The following VAV1 variants were observed in gnomAD, a reference collection of about 807,000 sequenced individuals.
VAV1 encodes proto-oncogene vav.
Under a neutral mutation model 128.1 loss-of-function variants are expected in VAV1, and 33 were observed. That is an observed-to-expected ratio of 0.26 (90% CI 0.20 to 0.34). VAV1 has a LOEUF of 0.34. VAV1 is among the 10% of genes least tolerant of loss of function. The probability of loss-of-function intolerance (pLI) is 1.00; values close to 1 mark genes in which losing one functional copy is unlikely to be tolerated. For synonymous variants in VAV1, 394 were observed against 409.8 expected (o/e 0.96, Z 0.47); for missense variants, 715 against 1,093.7 (o/e 0.65, Z 4.88).
At chr19:6,829,560 A>G (rs1225574724) in intron 13 of VAV1, among the ~76,000 whole-genome samples, 2 of 152,098 alleles carry the variant, frequency 1.3e-5, no homozygotes, top group Non-Finnish European at 2.9e-5. Flanking sequence ...GCCTTGATGG[A>G]CAGGCAGGAC....
At chr19:6,799,991 C>A (rs566019939) in intron 1 of VAV1, among the ~76,000 whole-genome samples, 35 of 151,732 alleles carry the variant, frequency 2.3e-4, no homozygotes, top group Non-Finnish European at 4.6e-4. Flanking sequence ...TAGGTGCATG[C>A]TTAATGTTTT....
Position 6,836,514 on chromosome 19 carries a change from C to T in VAV1, c.1860C>T (p.Asn620=). The change falls in exon 20 of 27, where the codon AAC becomes AAT. Residue 620 remains asparagine, a synonymous_variant. Coordinates refer to ENST00000602142, the MANE Select transcript of VAV1 (RefSeq NM_005428.4). The part of the protein sequence containing the change: ...PGAIGPFLRL[N]PGDIVELTKA... ...CCATTGGACCCTTTCTACGGCTCAA[C>T]CCTGGAGACATTGTGGAGCTCACGA... 6.2e-7 allele frequency: 1 copy of T among 1,614,044 alleles called. No individual in the cohort carries two copies. Among genetic ancestry groups the T allele is most frequent in the Non-Finnish European group, 8.5e-7 (1 of 1,180,026 alleles).
rs1160296531 is a variant in VAV1 at position 6,829,901 on chromosome 19, G to C, written c.1381G>C (p.Asp461His). The change falls in exon 14 of 27, where the codon GAC becomes CAC. Residue 461 changes from aspartate to histidine, a missense_variant. This residue lies in a region of VAV1 where 407 missense variants were observed against 580.6 expected (regional missense o/e 0.70). Coordinates refer to ENST00000602142, the MANE Select transcript of VAV1 (RefSeq NM_005428.4). The part of the protein sequence containing the change: ...SFQVRDDSSG[D>H]RDNKKWSHMF... ...CCAGGTTCGGGATGACTCTTCAGGA[G>C]ACCGAGACAACAAGAAGGTGGGGCT... The C allele has an allele frequency of 1.2e-6, 2 of 1,614,196 alleles. No individual in the cohort carries two copies. The highest frequency in any genetic ancestry group is 2.2e-5 in the South Asian group (2 of 91,084).
chr19:6,805,490 C>T (rs1346097367), intron 1 of VAV1, among the ~76,000 whole-genome samples: 1 of 151,232 alleles, frequency 6.6e-6, no homozygotes, highest in Non-Finnish European at 1.5e-5. Flanking sequence ...ATCTGTAATC[C>T]CAGGACCTTA....
At chr19:6,796,109 C>T (rs960321017) in intron 1 of VAV1, among the ~76,000 whole-genome samples, 3 of 152,168 alleles carry the variant, frequency 2.0e-5, no homozygotes, top group Non-Finnish European at 2.9e-5. Flanking sequence ...ATCTAATCAC[C>T]TCTTAAAGGT....
chr19:6,819,744 G>A (rs986060980), intron 1 of VAV1, among the ~76,000 whole-genome samples: 1 of 152,200 alleles, frequency 6.6e-6, no homozygotes, highest in Non-Finnish European at 1.5e-5. Flanking sequence ...CCTACAAGCT[G>A]TGGGAAGCTG....
At chr19:6,817,250 AATGGGGTTTC>A (rs1201647257) in intron 1 of VAV1, among the ~76,000 whole-genome samples, 1 of 151,706 alleles carries the variant, frequency 6.6e-6, no homozygotes, top group South Asian at 2.1e-4. Flanking sequence ...TTTTAGTAGA[AATGGGGTTTC>A]ACCATGTTGC....
At chr19:6,846,679 G>C (rs1223731997) in intron 22 of VAV1, among the ~76,000 whole-genome samples, 1 of 147,398 alleles carries the variant, frequency 6.8e-6, no homozygotes, top group Non-Finnish European at 1.5e-5. Context: ...CATTTACATA[G>C]ACTATATATG....
chr19:6,820,944 A>G lies in VAV1; in HGVS notation c.321+126A>G, dbSNP rs916316895. On this transcript the variant is annotated intron_variant, in intron 2 of 26. Coordinates refer to ENST00000602142, the MANE Select transcript of VAV1 (RefSeq NM_005428.4). The surrounding 1 kb of genome is among the most constrained non-coding windows in gnomAD (Gnocchi z 4.4). Reference sequence around the variant, plus strand: ...CAGACCAGGCCATATACAAGACGCAAATAGCACTGGCTTGGGATATGTGGA... The same window carrying G: ...CAGACCAGGCCATATACAAGACGCAGATAGCACTGGCTTGGGATATGTGGA... 7.3e-6 allele frequency: 6 copies of G among 818,160 alleles called. No individual in the cohort carries two copies. Among genetic ancestry groups the G allele is most frequent in the Admixed American group, 1.9e-5 (1 of 51,358 alleles). The allele number at this position is 818,160 out of a possible 1,614,324, so 50.7% of individuals were successfully genotyped here.
rs1156670926 is a variant in VAV1, at chr19:6,828,858, A to T, written c.1223A>T (p.Glu408Val). The T allele has an allele frequency of 5.6e-6, 9 of 1,613,920 alleles. No individual in the cohort carries two copies. Among genetic ancestry groups the T allele is most frequent in the South Asian group, 4.4e-5 (4 of 91,066 alleles). The change falls in exon 13 of 27, where the codon GAA becomes GTA. Residue 408 changes from glutamate (E) to valine (V), a missense_variant. Physicochemically the swap from Glu to Val is moderately radical, Grantham distance 121. Transcript: ENST00000602142. The surrounding 1 kb of genome is among the most constrained non-coding windows in gnomAD (Gnocchi z 4.5). ...AHYGRPKIDG[E>V]LKITSVERRS... Reference sequence around the variant, plus strand: ...TATGGCCGGCCCAAGATCGACGGGGAACTCAAGATCACCTCGGTGGAACGG... The same window carrying T: ...TATGGCCGGCCCAAGATCGACGGGGTACTCAAGATCACCTCGGTGGAACGG...
chr19:6,828,049 T>C lies in VAV1; in HGVS notation c.928-27T>C, dbSNP rs773904821. 6.2e-7 allele frequency: 1 copy of C among 1,609,616 alleles called. No individual in the cohort carries two copies. The highest frequency in any genetic ancestry group is 8.5e-7 in the Non-Finnish European group (1 of 1,176,014). The stretch of plus-strand genomic sequence containing the variant: ...TGGCTGTTTCTGGGACCTGCCTCAG[T>C]TTCCCCATTGTTCTCTGATTCCCCA... On this transcript the variant is annotated intron_variant, in intron 9 of 26. Transcript: ENST00000602142. The surrounding 1 kb of genome is among the most constrained non-coding windows in gnomAD (Gnocchi z 4.5).
rs549039418 is a variant in VAV1 at position 6,784,530 on chromosome 19, C to G, written c.204+11519C>G. The stretch of plus-strand genomic sequence containing the variant: ...TTTTTTTGAGACAGAGTTTCACTCT[C>G]TCTCCCAGGCTGGAGTGCAGTGGCA... On this transcript the variant is annotated intron_variant, in intron 1 of 26. Transcript: ENST00000602142. 3.9e-3 allele frequency among the ~76,000 whole-genome samples: 572 copies of G among 146,944 alleles called. 7 individuals are homozygous for G. Among genetic ancestry groups the G allele is most frequent in the Admixed American group, 0.021 (304 of 14,506 alleles).
intron 1 of VAV1, among the ~76,000 whole-genome samples, chr19:6,810,213 T>C (rs1458480936): frequency 6.6e-6 from 1 of 151,836 alleles, no homozygotes; most frequent in East Asian, 1.9e-4. Context: ...TGGTGGTGCA[T>C]GCCCATAGTC....
At chr19:6,776,906 C>T (rs113957519) in intron 1 of VAV1, among the ~76,000 whole-genome samples, 1,918 of 152,108 alleles carry the variant, frequency 0.013, 54 homozygotes, top group South Asian at 0.052. Flanking sequence ...TACAGGCACC[C>T]GCCACCACGC....
At chr19:6,839,221 GA>G (rs1972307997) in intron 21 of VAV1, among the ~76,000 whole-genome samples, 5 of 146,746 alleles carry the variant, frequency 3.4e-5, no homozygotes, top group South Asian at 4.3e-4. Context: ...TTTTGTGTGT[GA>G]TTTTTTTTTT....
At position 6,820,306 on chromosome 19, in the gene VAV1, G is replaced by T. The variant is rs1167363181; in HGVS notation, c.205-396G>T. ...GCTGGAGTGCAGTGGTGCCATCATA[G>T]CTCACCGCAGGCTCGAACTCCTGGG... On this transcript the variant is annotated intron_variant, in intron 1 of 26. Transcript: ENST00000602142. The surrounding 1 kb of genome is among the most constrained non-coding windows in gnomAD (Gnocchi z 4.4). 6.6e-6 allele frequency among the ~76,000 whole-genome samples: 1 copy of T among 152,164 alleles called. No homozygotes were observed. The highest frequency in any genetic ancestry group is 1.5e-5 in the Non-Finnish European group (1 of 68,030).
At chr19:6,793,253 G>A (rs1003566786) in intron 1 of VAV1, among the ~76,000 whole-genome samples, 9 of 151,966 alleles carry the variant, frequency 5.9e-5, no homozygotes, top group East Asian at 1.9e-4. Context: ...AGAATGGTGC[G>A]AACCTGGGAG....
At chr19:6,814,828 T>A (rs1971611058) in intron 1 of VAV1, among the ~76,000 whole-genome samples, 1 of 151,616 alleles carries the variant, frequency 6.6e-6, no homozygotes, top group East Asian at 1.9e-4. Flanking sequence ...GTAGTTCTGA[T>A]TTCAAAGGGA....
At chr19:6,788,682 T>C (rs1034089461) in intron 1 of VAV1, among the ~76,000 whole-genome samples, 1 of 152,014 alleles carries the variant, frequency 6.6e-6, no homozygotes, top group African/African-American at 2.4e-5. Flanking sequence ...TGTTTGAACA[T>C]GATTCTTTTT....
Sources: gnomAD v4.1 joint callset for allele counts (sites outside exome capture counted in the v4.1 genomes callset) on GRCh38, gnomAD v4.1.1 for gene constraint, gnomAD v4.1.1 regional missense constraint, Gnocchi (gnomAD v3.1) non-coding constraint, MANE v1.5 for transcripts, NCBI Gene and HGNC (gene_info 2026-07-23, HGNC 2026-07-21) for gene names.